DVL1: variants seen among roughly 807,000 people sequenced by gnomAD.
The protein encoded by DVL1 is dishevelled segment polarity protein 1.
DVL1 carries 49 observed loss-of-function variants against 65.0 expected under a neutral mutation model. That is an observed-to-expected ratio of 0.75 (90% CI 0.60 to 0.96). The LOEUF (loss-of-function observed/expected upper bound fraction) is 0.96. Among genes scored for constraint, DVL1 ranks in the 40% least tolerant of loss-of-function variants. DVL1 has a pLI of 0.00. For synonymous variants in DVL1, 608 were observed against 433.9 expected, an observed-to-expected ratio of 1.40 and a Z score of -4.99; for missense variants, 1,197 against 1,045.4, an observed-to-expected ratio of 1.15 and a Z score of -2.00.
Position 1,339,586 on chromosome 1 carries a change from T to C in DVL1, c.1050A>G (p.Pro350=), listed in dbSNP as rs776056866. 1.9e-6 allele frequency: 3 copies of C among 1,606,386 alleles called. No individual in the cohort carries two copies. Among genetic ancestry groups the C allele is most frequent in the Admixed American group, 3.4e-5 (2 of 59,646 alleles). Residue 350 remains proline, a synonymous_variant, in exon 10 of 15, where the codon CCA becomes CCG. Transcript: ENST00000378888. ...DPTPRSYFTV[P]RADPVRPIDP... is the part of the protein sequence containing the mutation. ...TGTGCCCCGAGGGCCACTCACCCCG[T>C]GGGACGGTGAAGTAGCTTCGGGGCG... is the stretch of plus-strand genomic sequence containing the variant.
At chr1:1,338,229 T>TTGGCCCCC in intron 13 of DVL1, 40 bp downstream of exon 13, 24 of 1,522,228 alleles carry the variant, frequency 1.6e-5, no homozygotes, top group Non-Finnish European at 2.1e-5. Context: ...CCTCCGGCGT[T>TTGGCCCCC]CCCCTCCCCC....
At chr1:1,336,757 C>T (rs1188367972) in intron 14 of DVL1, among the ~76,000 whole-genome samples, 1 of 152,192 alleles carries the variant, frequency 6.6e-6, no homozygotes, top group Non-Finnish European at 1.5e-5. Flanking sequence ...CTGGGCGCCC[C>T]CACACCTCAC....
At chr1:1,341,141 G>A (rs374250741) in intron 5 of DVL1, among the ~76,000 whole-genome samples, 13 of 140,068 alleles carry the variant, frequency 9.3e-5, no homozygotes, top group Middle Eastern at 5.3e-3. Context: ...ACACCTGCAC[G>A]CACACCTTCA....
At chr1:1,339,244 C>T (rs1164747269) in intron 11 of DVL1, 43 bp downstream of exon 11, 2 of 1,547,662 alleles carry the variant, frequency 1.3e-6, no homozygotes, top group African/African-American at 1.4e-5. Flanking sequence ...ACGCCCCCTC[C>T]AAGCCTCGGT....
Position 1,340,442 on chromosome 1 carries a change from G to T in DVL1, c.667C>A (p.Arg223=), listed in dbSNP as rs770156738. The change falls in exon 6 of 15, where the codon CGG becomes AGG. Residue 223 remains arginine (R), a synonymous_variant. Coordinates refer to ENST00000378888, the MANE Select transcript of DVL1 (RefSeq NM_001330311.2). ...SRLIRKHKRR[R]RKQRLRQADR... ...GCCTGCCGAAGGCGCTGCTTCCTCC[G>T]CCGGCGTTTGTGCTTCCGGATGAGT... is the stretch of plus-strand genomic sequence containing the variant. The T allele has an allele frequency of 6.2e-7, 1 of 1,612,058 alleles. No individual in the cohort carries two copies. Among genetic ancestry groups the T allele is most frequent in the Admixed American group, 1.7e-5 (1 of 59,642 alleles).
In DVL1 at chr1:1,336,296, TGGGGCGGGGGGAGCCCC is replaced by T; in HGVS notation, c.1917_1933del (p.Gly640ProfsTer61). 1 of 1,557,560 alleles carries T rather than the reference TGGGGCGGGGGGAGCCCC, an allele frequency of 6.4e-7. No individual in the cohort carries two copies. Among genetic ancestry groups the T allele is most frequent in the East Asian group, 2.3e-5 (1 of 43,100 alleles). On this transcript the variant is annotated frameshift_variant, in exon 15 of 15. Coordinates refer to ENST00000378888, the MANE Select transcript of DVL1 (RefSeq NM_001330311.2). LOFTEE classifies it high-confidence loss of function. The stretch of plus-strand genomic sequence containing the variant: ...CACTGTATAGGCCTTGGTCGTGGGG[TGGGGCGGGGGGAGCCCC>T]GGGGCGGTAGCCGAGGCCTGACTGC...
At chr1:1,341,523 TAC>T (rs1487012793) in intron 5 of DVL1, 142 bp downstream of exon 5, 17 of 1,149,774 alleles carry the variant, frequency 1.5e-5, no homozygotes, top group South Asian at 1.0e-4. Flanking sequence ...GTGCATCATG[TAC>T]ACAGACATTT....
At chr1:1,341,024 TGCACCCCTGCACACAC>T (rs1347062882) in intron 5 of DVL1, among the ~76,000 whole-genome samples, 17 of 115,794 alleles carry the variant, frequency 1.5e-4, no homozygotes, top group Admixed American at 4.9e-4. Context: ...CCCTGCACAA[TGCACCCCTGCACACAC>T]GCACCCCTGC....
At chr1:1,338,229 T>TGGGGCGCCCC in intron 13 of DVL1, 40 bp downstream of exon 13, 1 of 1,522,370 alleles carries the variant, frequency 6.6e-7, no homozygotes, top group Non-Finnish European at 9.0e-7. Flanking sequence ...CCTCCGGCGT[T>TGGGGCGCCCC]CCCCTCCCCC....
chr1:1,341,454 A>G (rs1024670240), intron 5 of DVL1, among the ~76,000 whole-genome samples: 1 of 152,022 alleles, frequency 6.6e-6, no homozygotes, highest in Non-Finnish European at 1.5e-5. Flanking sequence ...GCACACACAC[A>G]GGCGCGCACA....
At chr1:1,337,360 G>A (rs1643612663) in intron 14 of DVL1, among the ~76,000 whole-genome samples, 1 of 152,132 alleles carries the variant, frequency 6.6e-6, no homozygotes, top group East Asian at 1.9e-4. Flanking sequence ...GCTCCACCAG[G>A]CAACACCTCA....
In DVL1 at chr1:1,341,772, C is replaced by T. The variant is rs770252125; in HGVS notation, c.500G>A (p.Arg167Gln). The T allele has an allele frequency of 2.5e-6, 4 of 1,602,640 alleles. No individual in the cohort carries two copies. The highest frequency in any genetic ancestry group is 1.1e-5 in the South Asian group (1 of 89,754). ...ARTNGHPRGD[R>Q]RRDVGLPPDS... Reference sequence around the variant, plus strand: ...TGGGGGCAGCCCCACATCCCGCCGTCGGTCTCCCCTTGGGTGCCCATTGGT... The same window carrying T: ...TGGGGGCAGCCCCACATCCCGCCGTTGGTCTCCCCTTGGGTGCCCATTGGT... The change falls in exon 5 of 15, where the codon CGA (arginine) becomes CAA (glutamine). Residue 167 changes from arginine to glutamine, a missense_variant. Transcript: ENST00000378888.
At chr1:1,347,698 G>A (rs1569749552) in intron 1 of DVL1, among the ~76,000 whole-genome samples, 2 of 152,366 alleles carry the variant, frequency 1.3e-5, no homozygotes, top group Non-Finnish European at 2.9e-5. Flanking sequence ...GGACTGCAAG[G>A]TGCCCCAGCT....
Position 1,340,062 on chromosome 1 carries a change from G to C in DVL1, c.885C>G (p.Ile295Met), listed in dbSNP as rs148365797. The C allele has an allele frequency of 1.1e-5, 17 of 1,612,740 alleles. No individual in the cohort carries two copies. Among genetic ancestry groups the C allele is most frequent in the South Asian group, 6.6e-5 (6 of 91,066 alleles). ...KGGAVAADGR[I>M]EPGDMLLQVN... The stretch of plus-strand genomic sequence containing the variant: ...CCTGCAGCAACATGTCGCCGGGCTC[G>C]ATGCGGCCGTCAGCGGCCACAGCCC... Residue 295 changes from isoleucine (I) to methionine (M), a missense_variant, in exon 8 of 15, where the codon ATC (isoleucine) becomes ATG (methionine). Coordinates refer to ENST00000378888, the MANE Select transcript of DVL1 (RefSeq NM_001330311.2).
chr1:1,348,232 G>A (rs1357507505), intron 1 of DVL1, among the ~76,000 whole-genome samples: 1 of 152,202 alleles, frequency 6.6e-6, no homozygotes, highest in East Asian at 1.9e-4. Flanking sequence ...CACCACCACC[G>A]AGGCCCAGCA....
intron 1 of DVL1, among the ~76,000 whole-genome samples, chr1:1,346,998 G>A (rs1014384524): frequency 6.6e-6 from 1 of 152,202 alleles, no homozygotes. Context: ...TCTGCGGGTA[G>A]AACTCAGGGG....
At chr1:1,348,753 C>A (rs1213970144) in intron 1 of DVL1, 143 bp downstream of exon 1, 31 of 668,402 alleles carry the variant, frequency 4.6e-5, no homozygotes, top group Non-Finnish European at 6.0e-6. Flanking sequence ...GAGGCCGCCA[C>A]CCGCGCCGCA....
Position 1,338,250 on chromosome 1 carries a change from G to T in DVL1, c.1507+19C>A, listed in dbSNP as rs370256175. 3.0e-6 allele frequency: 2 copies of T among 658,798 alleles called. No individual in the cohort carries two copies. The highest frequency in any genetic ancestry group is 2.9e-5 in the South Asian group (2 of 68,192). 40.8% of individuals were successfully genotyped at this position (658,798 alleles called of 1,614,324 possible). A position where few individuals can be genotyped will look rare whatever the true frequency, so the allele number is the denominator to read the frequency against. ...GCGTTCCCCTCCCCCCCGCCCTGAAGCCCGAAGCCCCCACTCACTGCTGCA... is the reference window on the plus strand; with the variant it reads ...GCGTTCCCCTCCCCCCCGCCCTGAATCCCGAAGCCCCCACTCACTGCTGCA... On this transcript the variant is annotated intron_variant, in intron 13 of 14. Coordinates refer to ENST00000378888, the MANE Select transcript of DVL1 (RefSeq NM_001330311.2).
rs955672543 is a variant in DVL1 at position 1,336,018 on chromosome 1, G to A, written c.*124C>T. The A allele has an allele frequency of 3.8e-6, 5 of 1,312,926 alleles. No homozygotes were observed. The highest frequency in any genetic ancestry group is 2.6e-5 in the East Asian group (1 of 39,136). The allele number at this position is 1,312,926 out of a possible 1,614,324, so 81.3% of individuals were successfully genotyped here. A position where few individuals can be genotyped will look rare whatever the true frequency, so the allele number is the denominator to read the frequency against. ...CCAGGCTGCCAGGGCAGATGGTGGTGGTCCAGCCTGCCCCCCACCCTGCCT... is the reference window on the plus strand; with the variant it reads ...CCAGGCTGCCAGGGCAGATGGTGGTAGTCCAGCCTGCCCCCCACCCTGCCT... On this transcript the variant is annotated 3_prime_UTR_variant, in exon 15 of 15. Coordinates refer to ENST00000378888, the MANE Select transcript of DVL1 (RefSeq NM_001330311.2).
Sources: allele counts gnomAD v4.1 joint callset (sites outside exome capture counted in the v4.1 genomes callset), GRCh38; gene constraint gnomAD v4.1.1; transcripts MANE v1.5; gene names NCBI Gene and HGNC (gene_info 2026-07-23, HGNC 2026-07-21).